CHODL: variants seen among roughly 807,000 people sequenced by gnomAD.
The protein encoded by CHODL is chondrolectin.
In CHODL, 29 loss-of-function variants were observed where a neutral mutation model predicts 34.5. That is an observed-to-expected ratio of 0.84 (90% CI 0.63 to 1.15). The LOEUF (loss-of-function observed/expected upper bound fraction) is 1.15, where lower values mean the gene tolerates loss of function less well. CHODL is among the 50% of genes most tolerant of loss of function. The pLI is 0.00. For missense variants in CHODL, 332 were observed against 332.5 expected (o/e 1.00, Z 0.01); for synonymous variants, 125 against 116.1 (o/e 1.08, Z -0.49).
At chr21:17,920,151 A>G (rs1332203759) in intron 1 of CHODL, among the ~76,000 whole-genome samples, 1 of 152,156 alleles carries the variant, frequency 6.6e-6, no homozygotes, top group African/African-American at 2.4e-5. Context: ...TCTGTCTGTT[A>G]CCCAGTTCCA....
At chr21:18,129,638 C>G (rs2072627942) in intron 2 of CHODL, among the ~76,000 whole-genome samples, 1 of 152,144 alleles carries the variant, frequency 6.6e-6, no homozygotes, top group Admixed American at 6.5e-5. Context: ...TTACCTTCAA[C>G]AGATCCTCAA....
At chr21:18,121,427 C>G (rs1265774135) in intron 2 of CHODL, among the ~76,000 whole-genome samples, 2 of 152,186 alleles carry the variant, frequency 1.3e-5, no homozygotes, top group African/African-American at 4.8e-5. Context: ...ACTATGCCTA[C>G]AATTCCAGAC....
intron 1 of CHODL, among the ~76,000 whole-genome samples, chr21:18,022,912 C>T (rs914271635): frequency 6.6e-6 from 1 of 152,186 alleles, no homozygotes; most frequent in Admixed American, 6.5e-5. Flanking sequence ...TTGATTCCAA[C>T]TTTAATGCTT....
At chr21:18,197,301 G>A (rs1015907270) in intron 2 of CHODL, among the ~76,000 whole-genome samples, 2 of 152,184 alleles carry the variant, frequency 1.3e-5, no homozygotes, top group African/African-American at 4.8e-5. Flanking sequence ...ATTTAACATA[G>A]TGCCAATTAG....
chr21:18,079,683 CTTT>C (rs2064913376), intron 2 of CHODL, among the ~76,000 whole-genome samples: 2 of 150,278 alleles, frequency 1.3e-5, no homozygotes, highest in African/African-American at 4.9e-5. Flanking sequence ...GATTCTGTGA[CTTT>C]ACTATTATGA....
chr21:18,158,086 T>TA (rs2073055157), intron 2 of CHODL, among the ~76,000 whole-genome samples: 1 of 151,544 alleles, frequency 6.6e-6, no homozygotes, highest in South Asian at 2.1e-4. Context: ...TTTTTTTTTT[T>TA]TAATTCAGGT....
intron 2 of CHODL, among the ~76,000 whole-genome samples, chr21:18,076,265 T>A (rs2064865183): frequency 6.6e-6 from 1 of 152,084 alleles, no homozygotes; most frequent in Non-Finnish European, 1.5e-5. Flanking sequence ...TTGGTAGAAA[T>A]ATGGAAGGTA....
At position 18,174,121 on chromosome 21, in the gene CHODL, G is replaced by GTA. The variant is rs1491107369; in HGVS notation, c.-44-82387_-44-82386insAT. Among the ~76,000 whole-genome samples the GTA allele has an allele frequency of 4.4e-4, 27 of 60,864 alleles. 4 individuals are homozygous for GTA. The East Asian group carries it at 0.01, about 23-fold the overall frequency. 39.9% of individuals were successfully genotyped at this position (60,864 alleles called of 152,430 possible). ...AGGATATATATATATATATATCTTG[G>GTA]TGTATATATATATATATATATATAT... On this transcript the variant is annotated intron_variant, in intron 2 of 6. Coordinates refer to the CHODL transcript ENST00000400127.
intron 2 of CHODL, among the ~76,000 whole-genome samples, chr21:18,152,429 G>T (rs1321624376): frequency 2.0e-5 from 3 of 152,202 alleles, no homozygotes; most frequent in African/African-American, 7.2e-5. Flanking sequence ...ACCTCACGAG[G>T]CTCAACTCAA....
chr21:18,245,327 A>G, intron 1 of CHODL, 25 bp downstream of exon 1: 2 of 1,504,812 alleles, frequency 1.3e-6, no homozygotes, highest in Non-Finnish European at 1.8e-6. Context: ...GTCTCCCCGA[A>G]GAACGAGCGG....
intron 2 of CHODL, among the ~76,000 whole-genome samples, chr21:18,044,145 C>T (rs56077115): frequency 0.013 from 1,912 of 151,964 alleles, 40 homozygotes; most frequent in African/African-American, 0.042. Context: ...AAAATGTGCA[C>T]GTAATCAAGA....
At chr21:18,213,418 G>A (rs1363593845) in intron 2 of CHODL, among the ~76,000 whole-genome samples, 2 of 151,970 alleles carry the variant, frequency 1.3e-5, no homozygotes, top group African/African-American at 4.8e-5. Context: ...ACAACCGAAT[G>A]CTATTATTGC....
chr21:18,106,793 C>T (rs1029407174), intron 2 of CHODL, among the ~76,000 whole-genome samples: 4 of 152,186 alleles, frequency 2.6e-5, no homozygotes, highest in Non-Finnish European at 5.9e-5. Flanking sequence ...CCACACCCAG[C>T]CTAGATCTTT....
intron 1 of CHODL, among the ~76,000 whole-genome samples, chr21:18,246,835 C>G (rs774118578): frequency 2.0e-5 from 3 of 152,050 alleles, no homozygotes; most frequent in Non-Finnish European, 2.9e-5. Flanking sequence ...GTGTATTTTG[C>G]GTTCTATGAG....
chr21:18,245,336 G>A (rs1311145275), intron 1 of CHODL, 34 bp downstream of exon 1: 5 of 1,480,988 alleles, frequency 3.4e-6, no homozygotes, highest in East Asian at 2.7e-5. Flanking sequence ...AAGAACGAGC[G>A]GGGAGAGGGG....
intron 2 of CHODL, among the ~76,000 whole-genome samples, chr21:18,105,859 G>A (rs1301847682): frequency 6.6e-6 from 1 of 152,056 alleles, no homozygotes; most frequent in Non-Finnish European, 1.5e-5. Flanking sequence ...CCAAGGTTTG[G>A]GTGATTCCAA....
chr21:18,152,872 A>C (rs2072987847), intron 2 of CHODL, among the ~76,000 whole-genome samples: 2 of 152,184 alleles, frequency 1.3e-5, no homozygotes, highest in Admixed American at 6.5e-5. Flanking sequence ...CTCCAAATAA[A>C]TCTTCTGACA....
chr21:18,020,050 T>C (rs954734679), intron 1 of CHODL, among the ~76,000 whole-genome samples: 3 of 152,254 alleles, frequency 2.0e-5, no homozygotes, highest in African/African-American at 7.2e-5. Context: ...ATAGATGGCA[T>C]TGAATGATCC....
intron 2 of CHODL, among the ~76,000 whole-genome samples, chr21:18,149,477 C>A (rs556822841): frequency 1.5e-4 from 23 of 152,154 alleles, no homozygotes; most frequent in African/African-American, 5.3e-4. Flanking sequence ...AAGGAAGGAA[C>A]CTCATGGGTC....
Sources: allele counts gnomAD v4.1 joint callset (sites outside exome capture counted in the v4.1 genomes callset), GRCh38; gene constraint gnomAD v4.1.1; transcripts MANE v1.5; gene names NCBI Gene and HGNC (gene_info 2026-07-23, HGNC 2026-07-21).